The following CEP85L variants were observed in gnomAD, a reference collection of about 807,000 sequenced individuals.
CEP85L encodes the protein centrosomal protein of 85 kDa-like.
Under a neutral mutation model 100.3 loss-of-function variants are expected in CEP85L, and 60 were observed. That is an observed-to-expected ratio of 0.60 (90% CI 0.49 to 0.74). The LOEUF is 0.74. Among genes scored for constraint, CEP85L ranks in the 30% least tolerant of loss-of-function variants. CEP85L has a pLI of 0.00. For synonymous variants in CEP85L, 319 were observed against 322.7 expected, an observed-to-expected ratio of 0.99 and a Z score of 0.12; for missense variants, 973 against 936.2, an observed-to-expected ratio of 1.04 and a Z score of -0.51.
chr6:118,613,049 T>G (rs1772756446), intron 2 of CEP85L, among the ~76,000 whole-genome samples: 1 of 151,632 alleles, frequency 6.6e-6, no homozygotes, highest in African/African-American at 2.4e-5. Context: ...AGAAATCCCC[T>G]CTACTAAAAA....
chr6:118,607,720 C>T (rs1408440441), intron 2 of CEP85L, among the ~76,000 whole-genome samples: 1 of 152,166 alleles, frequency 6.6e-6, no homozygotes, highest in East Asian at 1.9e-4. Context: ...CAATCCCATC[C>T]TTTACCCAGG....
At chr6:118,612,557 G>T (rs916169221) in intron 2 of CEP85L, among the ~76,000 whole-genome samples, 1 of 150,828 alleles carries the variant, frequency 6.6e-6, no homozygotes, top group South Asian at 2.1e-4. Flanking sequence ...AGCTACTGGG[G>T]AGGCTGAGGC....
chr6:118,663,939 T>A (rs902392940), intron 1 of CEP85L, among the ~76,000 whole-genome samples: 1 of 151,854 alleles, frequency 6.6e-6, no homozygotes, highest in Non-Finnish European at 1.5e-5. Context: ...TTTTTTTTTT[T>A]TCTGAGACAG....
intron 1 of CEP85L, among the ~76,000 whole-genome samples, chr6:118,673,020 G>A (rs1776365213): frequency 6.6e-6 from 1 of 152,148 alleles, no homozygotes; most frequent in Non-Finnish European, 1.5e-5. Flanking sequence ...GGGAGGCAAT[G>A]TGGAAGGACT....
intron 1 of CEP85L, among the ~76,000 whole-genome samples, chr6:118,671,466 T>A (rs1199470414): frequency 6.6e-6 from 1 of 152,188 alleles, no homozygotes; most frequent in Non-Finnish European, 1.5e-5. Context: ...ATAAAAAAAA[T>A]TAATTTCCGT....
In CEP85L at chr6:118,565,464, G is replaced by C. The variant is rs150359637; in HGVS notation, c.1020+65C>G. On this transcript the variant is annotated intron_variant, in intron 3 of 12. Coordinates refer to ENST00000368491, the MANE Select transcript of CEP85L (RefSeq NM_001042475.3). Reference sequence around the variant, plus strand: ...TGTGAACACTTGTTATATGCTTACTGTAAGTGTGCTACTGTACTCATAACA... The same window carrying C: ...TGTGAACACTTGTTATATGCTTACTCTAAGTGTGCTACTGTACTCATAACA... The C allele has an allele frequency of 2.0e-5, 28 of 1,421,224 alleles. No individual in the cohort carries two copies. In the Admixed American group the frequency reaches 2.7e-4, roughly 13 times the overall value. 88.0% of individuals were successfully genotyped at this position (1,421,224 alleles called of 1,614,324 possible).
chr6:118,471,885 T>C (rs1772984128), intron 10 of CEP85L, among the ~76,000 whole-genome samples: 1 of 151,780 alleles, frequency 6.6e-6, no homozygotes, highest in Admixed American at 6.6e-5. Flanking sequence ...TAAATGAACA[T>C]GGAGAGTTAT....
chr6:118,639,016 T>C (rs1774694645), intron 1 of CEP85L, among the ~76,000 whole-genome samples: 6 of 152,166 alleles, frequency 3.9e-5, no homozygotes, highest in Admixed American at 3.9e-4. Context: ...AAAGCAGATT[T>C]ATACTTTTAA....
rs375792041 is a variant in CEP85L at position 118,565,635 on chromosome 6, C to A, written c.914G>T (p.Arg305Leu). ...ATTTCTACCTTCCAAAGGATTTGTC[C>A]GCAGCTGCTCTGTAAGCCACATCTG... ...RTQMWLTEQL[R>L]TNPLEGRNTE... The change falls in exon 3 of 13, where the codon CGG becomes CTG. Residue 305 changes from arginine to leucine, a missense_variant. Around this residue, in one of 3 missense-constraint regions of CEP85L, gnomAD observed 890 missense variants for 844.5 expected, o/e 1.05. Transcript: ENST00000368491. 2.5e-6 allele frequency: 4 copies of A among 1,614,044 alleles called. No homozygotes were observed. Among genetic ancestry groups the A allele is most frequent in the Non-Finnish European group, 3.4e-6 (4 of 1,180,042 alleles).
chr6:118,636,074 T>C (rs1260113539), intron 1 of CEP85L, among the ~76,000 whole-genome samples: 10 of 152,214 alleles, frequency 6.6e-5, no homozygotes, highest in Non-Finnish European at 1.3e-4. Flanking sequence ...GCCACTGTAG[T>C]CTAAATCAGC....
chr6:118,519,469 T>G (rs865866531), intron 4 of CEP85L, among the ~76,000 whole-genome samples: 1 of 30,116 alleles, frequency 3.3e-5, no homozygotes, highest in Non-Finnish European at 6.8e-5. Context: ...TGTGTGTGTG[T>G]GTGTGGCGGG....
At chr6:118,485,067 A>T (rs1315206074) in intron 6 of CEP85L, among the ~76,000 whole-genome samples, 1 of 152,200 alleles carries the variant, frequency 6.6e-6, no homozygotes, top group Non-Finnish European at 1.5e-5. Context: ...AGTAAATCCC[A>T]ATTTATATAG....
intron 5 of CEP85L, chr6:118,502,692 C>T (rs1775385690): frequency 4.4e-6 from 2 of 457,116 alleles, no homozygotes; most frequent in Non-Finnish European, 8.1e-6. Flanking sequence ...ACACCTGACC[C>T]CTTCCCAATA....
chr6:118,606,310 T>C (rs1265712558), intron 2 of CEP85L, among the ~76,000 whole-genome samples: 1 of 152,158 alleles, frequency 6.6e-6, no homozygotes, highest in Non-Finnish European at 1.5e-5. Flanking sequence ...AAGGAAAATT[T>C]AAGACAGTCC....
chr6:118,466,113 C>T (rs948132117), intron 12 of CEP85L, among the ~76,000 whole-genome samples: 3 of 152,066 alleles, frequency 2.0e-5, no homozygotes, highest in African/African-American at 4.8e-5. Context: ...CCTACAATCC[C>T]AAACAATTTA....
At chr6:118,506,433 AG>A (rs1387612964) in intron 5 of CEP85L, among the ~76,000 whole-genome samples, 11 of 152,314 alleles carry the variant, frequency 7.2e-5, no homozygotes, top group African/African-American at 2.6e-4. Context: ...TCTATAAAGA[AG>A]GAAGTGCACT....
chr6:118,466,777 G>C (rs925831153), intron 12 of CEP85L, among the ~76,000 whole-genome samples: 1 of 152,102 alleles, frequency 6.6e-6, no homozygotes, highest in Admixed American at 6.6e-5. Flanking sequence ...AGTTTAGACA[G>C]ATCTGTCTGG....
chr6:118,503,845 A>AAG (rs1303802282), intron 5 of CEP85L, among the ~76,000 whole-genome samples: 3 of 151,356 alleles, frequency 2.0e-5, no homozygotes, highest in African/African-American at 7.3e-5. Flanking sequence ...AAAAAAAAAA[A>AAG]AGGTAGAAAA....
chr6:118,679,212 T>C (rs1288387457), intron 1 of CEP85L, among the ~76,000 whole-genome samples: 1 of 152,244 alleles, frequency 6.6e-6, no homozygotes, highest in African/African-American at 2.4e-5. Flanking sequence ...ATACTCCTAT[T>C]ATTTTTAATT....
Sources: gnomAD v4.1 joint callset for allele counts (sites outside exome capture counted in the v4.1 genomes callset) on GRCh38, gnomAD v4.1.1 for gene constraint, gnomAD v4.1.1 regional missense constraint, MANE v1.5 for transcripts, NCBI Gene and HGNC (gene_info 2026-07-23, HGNC 2026-07-21) for gene names.